The following IGF2BP2 variants were observed in gnomAD, a reference collection of about 807,000 sequenced individuals.
IGF2BP2 encodes the protein insulin-like growth factor 2 mRNA-binding protein 2.
In IGF2BP2, 17 loss-of-function variants were observed where a neutral mutation model predicts 75.8. The ratio of observed to expected loss-of-function variants is 0.22; its 90% CI spans 0.15 to 0.34. IGF2BP2 has a LOEUF of 0.34. Among genes scored for constraint, IGF2BP2 ranks in the 10% least tolerant of loss-of-function variants. IGF2BP2 has a pLI of 1.00. For missense variants in IGF2BP2, 516 were observed against 772.4 expected (o/e 0.67, Z 3.93); for synonymous variants, 288 against 295.6 (o/e 0.97, Z 0.26).
intron 10 of IGF2BP2, among the ~76,000 whole-genome samples, chr3:185,668,485 TTC>T (rs1191706573): frequency 5.9e-5 from 8 of 136,474 alleles, no homozygotes; most frequent in Non-Finnish European, 7.8e-5. Context: ...AGTTCATTTG[TTC>T]GAGAGAGAGA....
intron 2 of IGF2BP2, among the ~76,000 whole-genome samples, chr3:185,764,684 C>T (rs1439019903): frequency 6.6e-6 from 1 of 152,162 alleles, no homozygotes; most frequent in Non-Finnish European, 1.5e-5. Flanking sequence ...TAGGCAATTA[C>T]CACATCTTGT....
intron 11 of IGF2BP2, 59 bp from the exon 12 acceptor site, chr3:185,657,461 C>T: frequency 2.3e-6 from 3 of 1,318,030 alleles, no homozygotes; most frequent in Non-Finnish European, 2.2e-6. Flanking sequence ...CCTCCAGGCA[C>T]TCAACAGGTA....
At position 185,787,720 on chromosome 3, in the gene IGF2BP2, G is replaced by A. The variant is rs188928330; in HGVS notation, c.239+35433C>T. The stretch of plus-strand genomic sequence containing the variant: ...TGCACTCCCGCCTGGGCAACAGAGT[G>A]AGACTCTGTCTCAAAAAAAAAAAAC... On this transcript the variant is annotated intron_variant, in intron 2 of 15. Coordinates refer to ENST00000382199, the MANE Select transcript of IGF2BP2 (RefSeq NM_006548.6). Among the ~76,000 whole-genome samples, 516 of 143,328 alleles carry A rather than the reference G, an allele frequency of 3.6e-3. 1 individual carries two copies. Among genetic ancestry groups the A allele is most frequent in the African/African-American group, 0.014 (497 of 36,064 alleles). The allele number at this position is 143,328 out of a possible 152,430, so 94.0% of individuals were successfully genotyped here.
chr3:185,743,171 ATT>A (rs201870060), intron 2 of IGF2BP2, among the ~76,000 whole-genome samples: 1 of 150,276 alleles, frequency 6.7e-6, no homozygotes, highest in African/African-American at 2.4e-5. Context: ...TAATAATTAC[ATT>A]TTTTTTTTTA....
chr3:185,760,963 T>C (rs1316151518), intron 2 of IGF2BP2, among the ~76,000 whole-genome samples: 1 of 152,228 alleles, frequency 6.6e-6, no homozygotes, highest in African/African-American at 2.4e-5. Context: ...TGCATTTTTC[T>C]TATATTTTCT....
rs138823244 is a variant in IGF2BP2 at position 185,696,729 on chromosome 3, G to A, written c.289-66C>T. 196 of 1,260,696 alleles carry A rather than the reference G, an allele frequency of 1.6e-4. No individual in the cohort carries two copies. In the East Asian group the frequency reaches 4.5e-3, roughly 29 times the overall value. 78.1% of individuals were successfully genotyped at this position (1,260,696 alleles called of 1,614,324 possible). ...TCATATGTACAAAAAATACTACAGT[G>A]ATATACCCCAGCAAACAAATTAAAG... On this transcript the variant is annotated intron_variant, in intron 3 of 15. Coordinates refer to ENST00000382199, the MANE Select transcript of IGF2BP2 (RefSeq NM_006548.6).
intron 2 of IGF2BP2, among the ~76,000 whole-genome samples, chr3:185,789,578 G>A (rs1023855094): frequency 9.2e-5 from 14 of 151,778 alleles, no homozygotes; most frequent in South Asian, 6.2e-4. Context: ...GCCACATAGG[G>A]CACACAGCTG....
At chr3:185,810,840 C>T (rs1316590164) in intron 2 of IGF2BP2, among the ~76,000 whole-genome samples, 2 of 151,482 alleles carry the variant, frequency 1.3e-5, no homozygotes, top group African/African-American at 4.8e-5. Flanking sequence ...CAAGTTTTTA[C>T]TTTACAACAT....
intron 2 of IGF2BP2, among the ~76,000 whole-genome samples, chr3:185,770,933 T>C (rs1305209653): frequency 2.0e-5 from 3 of 152,092 alleles, no homozygotes; most frequent in Non-Finnish European, 4.4e-5. Context: ...CCTTTTTTGG[T>C]AGAGAGGGAG....
chr3:185,788,778 G>A (rs1214877447), intron 2 of IGF2BP2, among the ~76,000 whole-genome samples: 7 of 141,122 alleles, frequency 5.0e-5, no homozygotes, highest in African/African-American at 8.2e-5. Context: ...GCAGTGGCGC[G>A]ATCTCAGCTC....
At chr3:185,680,850 ATCATG>A (rs1720280437) in intron 7 of IGF2BP2, among the ~76,000 whole-genome samples, 2 of 152,140 alleles carry the variant, frequency 1.3e-5, no homozygotes, top group East Asian at 3.8e-4. Context: ...GAACTACATG[ATCATG>A]TCATTAGAAA....
chr3:185,790,372 A>C (rs1318864396), intron 2 of IGF2BP2, among the ~76,000 whole-genome samples: 2 of 152,182 alleles, frequency 1.3e-5, no homozygotes, highest in African/African-American at 4.8e-5. Flanking sequence ...AAACACTCAA[A>C]AACAAGTGGG....
At chr3:185,737,115 T>C (rs1172297436) in intron 2 of IGF2BP2, among the ~76,000 whole-genome samples, 1 of 152,262 alleles carries the variant, frequency 6.6e-6, no homozygotes, top group Non-Finnish European at 1.5e-5. Flanking sequence ...ACATTTTCTC[T>C]TTCCATGATG....
intron 10 of IGF2BP2, among the ~76,000 whole-genome samples, chr3:185,662,356 T>C (rs1716586848): frequency 6.6e-6 from 1 of 151,628 alleles, no homozygotes; most frequent in South Asian, 2.1e-4. Context: ...TGCACATCTG[T>C]AGTTCCAGCT....
At chr3:185,809,011 T>C (rs892176758) in intron 2 of IGF2BP2, among the ~76,000 whole-genome samples, 25 of 152,226 alleles carry the variant, frequency 1.6e-4, no homozygotes, top group Admixed American at 1.4e-3. Context: ...TGCTGTCTGC[T>C]TAATTTATTA....
chr3:185,734,174 T>C (rs1728555750), intron 2 of IGF2BP2, among the ~76,000 whole-genome samples: 1 of 152,220 alleles, frequency 6.6e-6, no homozygotes, highest in Admixed American at 6.5e-5. Context: ...CCTCTCTCCC[T>C]AGCCATGGCA....
Position 185,644,043 on chromosome 3 carries a change from GA to G in IGF2BP2, c.*1487del, listed in dbSNP as rs1380528226. The G allele has an allele frequency of 6.6e-6, 1 of 152,018 alleles. No homozygotes were observed. The highest frequency in any genetic ancestry group is 1.5e-5 in the Non-Finnish European group (1 of 67,954). The allele number at this position is 152,018 out of a possible 1,614,324, so 9.4% of individuals were successfully genotyped here. ...AGGCCATATAGGTTCTTGGCTAGCG[GA>G]AGACAATTCAGAACAGCTGTTGCAC... On this transcript the variant is annotated 3_prime_UTR_variant, in exon 16 of 16. Coordinates refer to ENST00000382199, the MANE Select transcript of IGF2BP2 (RefSeq NM_006548.6).
intron 2 of IGF2BP2, among the ~76,000 whole-genome samples, chr3:185,817,368 T>C (rs1335024275): frequency 6.6e-6 from 1 of 152,218 alleles, no homozygotes; most frequent in East Asian, 1.9e-4. Flanking sequence ...CTGTTGTACT[T>C]ATTCTATCTC....
chr3:185,716,494 AAG>A (rs777949129), intron 2 of IGF2BP2: 77 of 520,150 alleles, frequency 1.5e-4, no homozygotes, highest in African/African-American at 1.4e-3. Context: ...TAACAATAAA[AAG>A]AACAGCTTTT....
Sources: gnomAD v4.1 joint callset for allele counts (sites outside exome capture counted in the v4.1 genomes callset) on GRCh38, gnomAD v4.1.1 for gene constraint, MANE v1.5 for transcripts, NCBI Gene and HGNC (gene_info 2026-07-23, HGNC 2026-07-21) for gene names.